Variants in KCTD16 observed in about 807,000 individuals in gnomAD.
KCTD16 encodes the protein BTB/POZ domain-containing protein KCTD16.
Under a neutral mutation model 33.2 loss-of-function variants are expected in KCTD16, and 13 were observed. The observed-to-expected ratio is 0.39, with a 90% CI of 0.25 to 0.62. KCTD16 has a LOEUF of 0.62. Ranked by LOEUF, KCTD16 falls within the 20% of genes least tolerant of loss-of-function variation. The pLI is 0.50. For missense variants in KCTD16, 441 were observed against 525.1 expected, an observed-to-expected ratio of 0.84 and a Z score of 1.57; for synonymous variants, 197 against 195.3, an observed-to-expected ratio of 1.01 and a Z score of -0.07.
At chr5:144,345,954 A>ATTT (rs35514283) in intron 3 of KCTD16, among the ~76,000 whole-genome samples, 3,851 of 140,716 alleles carry the variant, frequency 0.027, 185 homozygotes, top group African/African-American at 0.09. Flanking sequence ...TATTCATTCT[A>ATTT]TTTTTTTTTT....
intron 1 of KCTD16, among the ~76,000 whole-genome samples, chr5:144,173,874 G>A (rs1279620522): frequency 6.6e-6 from 1 of 150,954 alleles, no homozygotes; most frequent in Non-Finnish European, 1.5e-5. Flanking sequence ...TAATTTCATG[G>A]CTAGTCACGT....
rs1041785831 is a variant in KCTD16, at chr5:144,476,709, A to T, written c.*2595A>T. The stretch of plus-strand genomic sequence containing the variant: ...AAAAGGCTCTGAGGAGGCTTAAAGT[A>T]CCTAGTTTGAGTGGAGTTATCAAGT... On this transcript the variant is annotated 3_prime_UTR_variant, in exon 4 of 4. Coordinates refer to ENST00000512467, the MANE Select transcript of KCTD16 (RefSeq NM_020768.4). The T allele has an allele frequency of 9.2e-5, 14 of 152,098 alleles. No individual in the cohort carries two copies. Among genetic ancestry groups the T allele is most frequent in the African/African-American group, 2.9e-4 (12 of 41,418 alleles). The allele number at this position is 152,098 out of a possible 1,614,324, so 9.4% of individuals were successfully genotyped here. A position where few individuals can be genotyped will look rare whatever the true frequency, so the allele number is the denominator to read the frequency against.
In KCTD16 at chr5:144,478,297, T is replaced by G. The variant is rs1249129830; in HGVS notation, c.*4183T>G. On this transcript the variant is annotated 3_prime_UTR_variant, in exon 4 of 4. Transcript: ENST00000512467. ...TGGAATAGGTTTGATTTATATTGCC[T>G]TCATCATTCTGGTTTCAGACGAAAT... The G allele has an allele frequency of 1.3e-5, 2 of 152,068 alleles. No individual in the cohort carries two copies. Among genetic ancestry groups the G allele is most frequent in the Non-Finnish European group, 2.9e-5 (2 of 67,960 alleles). The allele number at this position is 152,068 out of a possible 1,614,324, so 9.4% of individuals were successfully genotyped here. A position where few individuals can be genotyped will look rare whatever the true frequency, so the allele number is the denominator to read the frequency against.
At position 144,471,006 on chromosome 5, in the gene KCTD16, C is replaced by T. The variant is rs183802389; in HGVS notation, c.833-2654C>T. On this transcript the variant is annotated intron_variant, in intron 3 of 3. Coordinates refer to ENST00000512467, the MANE Select transcript of KCTD16 (RefSeq NM_020768.4). ...GACAAGCCTGGCTATGGTGAAACCG[C>T]CTCTCTACTGAACATACCAAAAAAT... Among the ~76,000 whole-genome samples, 728 of 152,214 alleles carry T rather than the reference C, an allele frequency of 4.8e-3. 8 individuals are homozygous for T. The highest frequency in any genetic ancestry group is 0.017 in the African/African-American group (699 of 41,520).
chr5:144,241,061 A>T (rs764691768), intron 3 of KCTD16, among the ~76,000 whole-genome samples: 2 of 152,056 alleles, frequency 1.3e-5, no homozygotes, highest in Non-Finnish European at 2.9e-5. Flanking sequence ...AGCTACTACA[A>T]TGTAGAACAG....
intron 2 of KCTD16, among the ~76,000 whole-genome samples, chr5:144,188,146 G>A (rs1020673709): frequency 2.6e-5 from 4 of 152,146 alleles, no homozygotes; most frequent in Non-Finnish European, 5.9e-5. Context: ...TTGAGTCTAG[G>A]CAAATGTTTT....
chr5:144,351,696 A>G (rs1190238880), intron 3 of KCTD16, among the ~76,000 whole-genome samples: 2 of 152,200 alleles, frequency 1.3e-5, no homozygotes, highest in Non-Finnish European at 2.9e-5. Flanking sequence ...ATTATACTGT[A>G]TATACACAAT....
chr5:144,447,934 C>T (rs1382251935), intron 3 of KCTD16, among the ~76,000 whole-genome samples: 2 of 152,040 alleles, frequency 1.3e-5, no homozygotes, highest in African/African-American at 4.8e-5. Context: ...ATTAGAAGTT[C>T]TAAGGGTGAG....
intron 3 of KCTD16, among the ~76,000 whole-genome samples, chr5:144,315,017 G>A (rs1018255264): frequency 5.6e-4 from 86 of 152,292 alleles, no homozygotes; most frequent in Non-Finnish European, 1.1e-3. Flanking sequence ...GTGGCTAAGA[G>A]ACAGGATCCA....
chr5:144,214,863 C>A (rs1753511345), intron 3 of KCTD16, among the ~76,000 whole-genome samples: 1 of 152,164 alleles, frequency 6.6e-6, no homozygotes, highest in Admixed American at 6.5e-5. Flanking sequence ...AAGCCAGAAG[C>A]TATATCTGTC....
chr5:144,260,367 GC>G (rs1754972592), intron 3 of KCTD16, among the ~76,000 whole-genome samples: 1 of 152,164 alleles, frequency 6.6e-6, no homozygotes, highest in Admixed American at 6.5e-5. Flanking sequence ...CCAGCTGTCT[GC>G]TGAGGAAGAA....
chr5:144,238,256 C>T (rs1743667374), intron 3 of KCTD16, among the ~76,000 whole-genome samples: 2 of 152,032 alleles, frequency 1.3e-5, no homozygotes. Flanking sequence ...GCCATAGAAC[C>T]TTATAGCTAA....
intron 3 of KCTD16, among the ~76,000 whole-genome samples, chr5:144,273,944 T>C (rs886452717): frequency 1.3e-5 from 2 of 151,332 alleles, no homozygotes; most frequent in Non-Finnish European, 2.9e-5. Flanking sequence ...CTTTATGTTA[T>C]GTGTATTAAA....
intron 3 of KCTD16, among the ~76,000 whole-genome samples, chr5:144,425,575 T>A (rs1266405200): frequency 6.6e-6 from 1 of 151,868 alleles, no homozygotes; most frequent in East Asian, 1.9e-4. Context: ...TAGGTGGAGG[T>A]AGACATACCT....
intron 2 of KCTD16, among the ~76,000 whole-genome samples, chr5:144,195,866 T>G (rs1752930029): frequency 6.6e-6 from 1 of 152,236 alleles, no homozygotes; most frequent in Non-Finnish European, 1.5e-5. Flanking sequence ...TTTCAAAAAA[T>G]GACTTTGCTT....
intron 3 of KCTD16, among the ~76,000 whole-genome samples, chr5:144,375,243 C>T (rs1235606127): frequency 2.0e-5 from 3 of 152,162 alleles, no homozygotes; most frequent in African/African-American, 7.2e-5. Flanking sequence ...TGGAATAGCT[C>T]ATGCTCTCTG....
chr5:144,398,708 A>ACTCTCTCTCTCTCTCTCTCTCTCT (rs367796082), intron 3 of KCTD16, among the ~76,000 whole-genome samples: 15 of 145,532 alleles, frequency 1.0e-4, no homozygotes, highest in African/African-American at 3.8e-4. Flanking sequence ...ACACACACAC[A>ACTCTCTCTCTCTCTCTCTCTCTCT]CTCTCTCTCT....
chr5:144,208,719 A>G (rs925984984), intron 3 of KCTD16, among the ~76,000 whole-genome samples: 13 of 152,364 alleles, frequency 8.5e-5, no homozygotes, highest in Non-Finnish European at 1.5e-4. Context: ...ACCTTGGTAG[A>G]GAGGCTAGTG....
In KCTD16 at chr5:144,206,658, G is replaced by A; in HGVS notation, c.-57G>A. On this transcript the variant is annotated 5_prime_UTR_variant, in exon 3 of 4. The change creates a new upstream start codon in the 5' untranslated region. Transcript: ENST00000512467. Reference sequence around the variant, plus strand: ...ACAAGTTGATCCAAAGGATAAGGCTGTGACTCCATTGGATTGCACCTTTAA... The same window carrying A: ...ACAAGTTGATCCAAAGGATAAGGCTATGACTCCATTGGATTGCACCTTTAA... The A allele has an allele frequency of 1.4e-6, 2 of 1,413,176 alleles. No individual in the cohort carries two copies. The highest frequency in any genetic ancestry group is 2.3e-5 in the East Asian group (1 of 43,716). The allele number at this position is 1,413,176 out of a possible 1,614,324, so 87.5% of individuals were successfully genotyped here.
Sources: allele counts gnomAD v4.1 joint callset (sites outside exome capture counted in the v4.1 genomes callset), GRCh38; gene constraint gnomAD v4.1.1; transcripts MANE v1.5; gene names NCBI Gene and HGNC (gene_info 2026-07-23, HGNC 2026-07-21).